SGK1: variants seen among roughly 807,000 people sequenced by gnomAD.
The protein encoded by SGK1 is serine/threonine-protein kinase Sgk1.
A neutral mutation model predicts 64.2 loss-of-function variants in SGK1; 26 were observed. That is an observed-to-expected ratio of 0.40 (90% CI 0.30 to 0.56). The LOEUF (loss-of-function observed/expected upper bound fraction) is 0.56, where lower values mean the gene tolerates loss of function less well. Ranked by LOEUF, SGK1 falls within the 20% of genes least tolerant of loss-of-function variation. The pLI is 0.38. For missense variants in SGK1, 519 were observed against 645.6 expected (o/e 0.80, Z 2.12); for synonymous variants, 265 against 239.7 (o/e 1.11, Z -0.98).
At chr6:134,192,503 C>A (rs1454186517) in intron 3 of SGK1, among the ~76,000 whole-genome samples, 1 of 152,124 alleles carries the variant, frequency 6.6e-6, no homozygotes, top group Admixed American at 6.5e-5. Flanking sequence ...CTTGAATTCG[C>A]TGGGGACCCT....
chr6:134,296,824 G>A (rs1243294208), intron 1 of SGK1, among the ~76,000 whole-genome samples: 1 of 151,080 alleles, frequency 6.6e-6, no homozygotes, highest in Non-Finnish European at 1.5e-5. Context: ...GTAGCTGGAG[G>A]CATGGGCAAG....
At chr6:134,186,663 ACC>A (rs1240915353) in intron 3 of SGK1, among the ~76,000 whole-genome samples, 2 of 152,186 alleles carry the variant, frequency 1.3e-5, no homozygotes, top group Non-Finnish European at 2.9e-5. Flanking sequence ...GTGGCAGGTG[ACC>A]CAAACCTACA....
chr6:134,261,589 A>G, intron 2 of SGK1: 1 of 534,270 alleles, frequency 1.9e-6, no homozygotes. Context: ...CATTAGTCCA[A>G]ACCCATAGAA....
In SGK1 at chr6:134,169,560, G is replaced by C. The variant is rs1030589452; in HGVS notation, c.*708C>G. 4 of 152,364 alleles carry C rather than the reference G, an allele frequency of 2.6e-5. No individual in the cohort carries two copies. Among genetic ancestry groups the C allele is most frequent in the African/African-American group, 7.2e-5 (3 of 41,386 alleles). 9.4% of individuals were successfully genotyped at this position (152,364 alleles called of 1,614,324 possible). Reference sequence around the variant, plus strand: ...CCAACGGCTCTGACTGACAACTGGGGCATTGGTCCATAAAAACCCTTTCTA... The same window carrying C: ...CCAACGGCTCTGACTGACAACTGGGCCATTGGTCCATAAAAACCCTTTCTA... On this transcript the variant is annotated 3_prime_UTR_variant, in exon 14 of 14. Coordinates refer to ENST00000367858, the MANE Select transcript of SGK1 (RefSeq NM_001143676.3).
In SGK1 at chr6:134,169,449, T is replaced by C. The variant is rs965315688; in HGVS notation, c.*819A>G. Reference sequence around the variant, plus strand: ...TAACCCAATGTACAGACGTTCTTTATACAATACATACAATTATCAGGAATG... The same window carrying C: ...TAACCCAATGTACAGACGTTCTTTACACAATACATACAATTATCAGGAATG... On this transcript the variant is annotated 3_prime_UTR_variant, in exon 14 of 14. Transcript: ENST00000367858. The C allele has an allele frequency of 6.6e-6, 1 of 151,536 alleles. No individual in the cohort carries two copies. The highest frequency in any genetic ancestry group is 1.5e-5 in the Non-Finnish European group (1 of 67,856). 9.4% of individuals were successfully genotyped at this position (151,536 alleles called of 1,614,324 possible).
At chr6:134,311,337 G>T (rs192908160) in intron 1 of SGK1, among the ~76,000 whole-genome samples, 7 of 152,218 alleles carry the variant, frequency 4.6e-5, no homozygotes, top group Admixed American at 4.6e-4. Flanking sequence ...AAGGTAACTG[G>T]TTTTCTGTCC....
intron 2 of SGK1, among the ~76,000 whole-genome samples, chr6:134,212,906 A>G (rs996063401): frequency 6.6e-6 from 1 of 152,208 alleles, no homozygotes; most frequent in Admixed American, 6.5e-5. Flanking sequence ...AGCAAATGCC[A>G]TTCTTACAGA....
At position 134,277,352 on chromosome 6, in the gene SGK1, C is replaced by T. The variant is rs138128060; in HGVS notation, c.70-15204G>A. 1.6e-3 allele frequency among the ~76,000 whole-genome samples: 244 copies of T among 152,034 alleles called. 5 individuals are homozygous for T. In the East Asian group the frequency reaches 0.043, roughly 27 times the overall value. ...AACAAACCAACCAACAAACAAAAACCGAACCAACAAAAAAAGGAAATAAAA... is the reference window on the plus strand; with the variant it reads ...AACAAACCAACCAACAAACAAAAACTGAACCAACAAAAAAAGGAAATAAAA... On this transcript the variant is annotated intron_variant, in intron 1 of 13. Transcript: ENST00000367858.
At chr6:134,170,625 G>T in intron 13 of SGK1, 190 bp from the exon 14 acceptor site, 1 of 683,922 alleles carries the variant, frequency 1.5e-6, no homozygotes, top group Non-Finnish European at 2.4e-6. Context: ...TTGCCTTTTG[G>T]TGCTTCGAAT....
intron 2 of SGK1, among the ~76,000 whole-genome samples, chr6:134,253,009 T>G (rs1776628209): frequency 1.3e-5 from 2 of 152,162 alleles, no homozygotes; most frequent in East Asian, 3.9e-4. Context: ...TCAGAAAAAC[T>G]CAAGACAATA....
chr6:134,201,723 C>T (rs572023861), intron 3 of SGK1, among the ~76,000 whole-genome samples: 3 of 152,118 alleles, frequency 2.0e-5, no homozygotes, highest in African/African-American at 4.8e-5. Flanking sequence ...TAATAAAACT[C>T]GTACTGCAAC....
intron 2 of SGK1, among the ~76,000 whole-genome samples, chr6:134,226,202 G>T (rs1156435684): frequency 6.6e-6 from 1 of 151,972 alleles, no homozygotes; most frequent in African/African-American, 2.4e-5. Flanking sequence ...CAACAAAATG[G>T]TGCAATAGGA....
intron 2 of SGK1, among the ~76,000 whole-genome samples, chr6:134,212,005 T>A (rs1432372126): frequency 6.6e-6 from 1 of 152,034 alleles, no homozygotes; most frequent in Non-Finnish European, 1.5e-5. Flanking sequence ...ACAGGTTGAA[T>A]TGAAATCTGG....
chr6:134,208,884 A>G (rs1775838368), intron 2 of SGK1, among the ~76,000 whole-genome samples: 1 of 66,100 alleles, frequency 1.5e-5, no homozygotes, highest in Non-Finnish European at 3.3e-5. Context: ...ATATACATAC[A>G]TGTATGTGTG....
chr6:134,177,352 G>A (rs1346482815), intron 3 of SGK1, among the ~76,000 whole-genome samples: 1 of 152,212 alleles, frequency 6.6e-6, no homozygotes, highest in Non-Finnish European at 1.5e-5. Flanking sequence ...CCTCTTGCAG[G>A]GAATCTTCAT....
At chr6:134,264,356 T>C (rs923677230) in intron 1 of SGK1, among the ~76,000 whole-genome samples, 1 of 152,038 alleles carries the variant, frequency 6.6e-6, no homozygotes, top group Non-Finnish European at 1.5e-5. Flanking sequence ...CCTGACCTCA[T>C]GATCCGCCCA....
chr6:134,281,776 G>A (rs566199738), intron 1 of SGK1, among the ~76,000 whole-genome samples: 11 of 151,970 alleles, frequency 7.2e-5, no homozygotes, highest in African/African-American at 1.2e-4. Context: ...CTCGGCCTCC[G>A]GGATCAGGCA....
chr6:134,237,461 A>G (rs1562261198), intron 2 of SGK1, among the ~76,000 whole-genome samples: 1 of 151,554 alleles, frequency 6.6e-6, no homozygotes, highest in Non-Finnish European at 1.5e-5. Flanking sequence ...AGATCACTTG[A>G]GGTCAGGAGT....
chr6:134,289,610 T>C (rs1777233275), intron 1 of SGK1, among the ~76,000 whole-genome samples: 1 of 152,228 alleles, frequency 6.6e-6, no homozygotes, highest in Non-Finnish European at 1.5e-5. Context: ...TCTCTTTTTT[T>C]TTCCATACTG....
Sources: allele counts gnomAD v4.1 joint callset (sites outside exome capture counted in the v4.1 genomes callset), GRCh38; gene constraint gnomAD v4.1.1; transcripts MANE v1.5; gene names NCBI Gene and HGNC (gene_info 2026-07-23, HGNC 2026-07-21).